IMPDH2: variants seen among roughly 807,000 people sequenced by gnomAD.
The protein encoded by IMPDH2 is inosine-5'-monophosphate dehydrogenase 2.
Under a neutral mutation model 57.8 loss-of-function variants are expected in IMPDH2, and 33 were observed. The observed-to-expected ratio is 0.57, with a 90% CI of 0.43 to 0.76. The LOEUF (loss-of-function observed/expected upper bound fraction) is 0.76, where lower values mean the gene tolerates loss of function less well. IMPDH2 is among the 30% of genes least tolerant of loss of function. The probability of loss-of-function intolerance (pLI) is 0.00; values close to 1 mark genes in which losing one functional copy is unlikely to be tolerated. For missense variants in IMPDH2, 446 were observed against 659.1 expected (o/e 0.68, Z 3.54); for synonymous variants, 270 against 241.3 (o/e 1.12, Z -1.10).
At chr3:49,024,454 T>A in intron 13 of IMPDH2, 41 bp downstream of exon 13, 1 of 1,613,928 alleles carries the variant, frequency 6.2e-7, no homozygotes, top group Admixed American at 1.7e-5. Context: ...AAAGGAGGCA[T>A]GAGGTATGGC....
chr3:49,028,074 T>A, intron 4 of IMPDH2, 158 bp from the exon 5 acceptor site: 1 of 781,196 alleles, frequency 1.3e-6, no homozygotes, highest in Non-Finnish European at 2.1e-6. Context: ...CTGGAGGCAC[T>A]GTACACCTGG....
rs182335151 is a variant in IMPDH2 at position 49,027,659 on chromosome 3, T to C, written c.531+51A>G. On this transcript the variant is annotated intron_variant, in intron 5 of 13. Coordinates refer to ENST00000326739, the MANE Select transcript of IMPDH2 (RefSeq NM_000884.3). ...TGTCTTAGACAACAGAAGCCCCTTG[T>C]CTTCAACCTGGGCTGCTAGAGCTTG... 9.9e-5 allele frequency: 148 copies of C among 1,496,288 alleles called. No individual in the cohort carries two copies. In the Admixed American group the frequency reaches 2.4e-3, roughly 25 times the overall value. 92.7% of individuals were successfully genotyped at this position (1,496,288 alleles called of 1,614,324 possible).
At chr3:49,025,338 T>A in intron 9 of IMPDH2, 69 bp from the exon 10 acceptor site, 1 of 1,570,348 alleles carries the variant, frequency 6.4e-7, no homozygotes, top group South Asian at 1.1e-5. Context: ...TGTGGCCATA[T>A]TTAGGACCCA....
In IMPDH2 at chr3:49,027,862, C is replaced by A. The variant is rs370186875; in HGVS notation, c.379G>T (p.Val127Leu). 1.2e-6 allele frequency: 2 copies of A among 1,614,188 alleles called. No homozygotes were observed. The highest frequency in any genetic ancestry group is 1.7e-5 in the Admixed American group (1 of 60,022). ...DPVVLSPKDR[V>L]RDVFEAKARH... is the part of the protein sequence containing the mutation. ...GCCTTGGCCTCAAAAACATCCCGCACGCGATCCTTGGGGCTGAGGACCACA... is the reference window on the plus strand; with the variant it reads ...GCCTTGGCCTCAAAAACATCCCGCAAGCGATCCTTGGGGCTGAGGACCACA... Residue 127 changes from valine to leucine, a missense_variant, in exon 5 of 14, where the codon GTG becomes TTG. Transcript: ENST00000326739.
Position 49,026,809 on chromosome 3 carries a change from A to G in IMPDH2, c.697T>C (p.Tyr233His). 6.2e-7 allele frequency: 1 copy of G among 1,614,244 alleles called. No homozygotes were observed. ...TTGGCATCTTTGGAGGCTAGTGGGT[A>G]GTCCCGATTCTTCTTCAGGTCTGTC... ...ARTDLKKNRD[Y>H]PLASKDAKKQ... Residue 233 changes from tyrosine to histidine, a missense_variant, in exon 7 of 14, where the codon TAC becomes CAC. By Grantham distance (83) the Tyr-to-His change is moderately conservative. Transcript: ENST00000326739.
chr3:49,028,268 T>G lies in IMPDH2; in HGVS notation c.304A>C (p.Asn102His). 1 of 1,614,160 alleles carries G rather than the reference T, an allele frequency of 6.2e-7. No individual in the cohort carries two copies. The highest frequency in any genetic ancestry group is 8.5e-7 in the Non-Finnish European group (1 of 1,179,984). The stretch of plus-strand genomic sequence containing the variant: ...CTGACCTTCACTTTCCGAACTTCAT[T>G]GGCCTGGAATTCAGGTGTACAGTTG... ...HHNCTPEFQA[N>H]EVRKVKKYEQ... Residue 102 changes from asparagine (N) to histidine (H), a missense_variant, in exon 4 of 14, where the codon AAT becomes CAT. Coordinates refer to ENST00000326739, the MANE Select transcript of IMPDH2 (RefSeq NM_000884.3).
chr3:49,026,837 G>A lies in IMPDH2; in HGVS notation c.669C>T (p.Ala223=), dbSNP rs2093201771. ...CCCGATTCTTCTTCAGGTCTGTCCG[G>A]GCAATGATGGCCACAAGCTCATCAT... ...NEDDELVAII[A]RTDLKKNRDY... The change falls in exon 7 of 14, where the codon GCC becomes GCT. Residue 223 remains alanine, a synonymous_variant. Transcript: ENST00000326739. 1 of 1,614,056 alleles carries A rather than the reference G, an allele frequency of 6.2e-7. No homozygotes were observed. The highest frequency in any genetic ancestry group is 1.1e-5 in the South Asian group (1 of 91,092).
chr3:49,025,568 G>T (rs1246717050), intron 9 of IMPDH2, among the ~76,000 whole-genome samples: 1 of 152,232 alleles, frequency 6.6e-6, no homozygotes, highest in Non-Finnish European at 1.5e-5. Flanking sequence ...ATCAGATGGG[G>T]CAGGAGTCAC....
At chr3:49,027,407 C>T (rs1483814563) in intron 5 of IMPDH2, among the ~76,000 whole-genome samples, 1 of 152,192 alleles carries the variant, frequency 6.6e-6, no homozygotes, top group Non-Finnish European at 1.5e-5. Flanking sequence ...AGGGAGCACC[C>T]TCTTACACTA....
intron 2 of IMPDH2, 72 bp downstream of exon 2, chr3:49,028,686 G>T: frequency 1.4e-6 from 2 of 1,422,460 alleles, no homozygotes; most frequent in Non-Finnish European, 9.9e-7. Context: ...TGGTGAGTTA[G>T]CCCAGAGACC....
chr3:49,024,758 A>C lies in IMPDH2; in HGVS notation c.1340T>G (p.Val447Gly). 1 of 1,614,194 alleles carries C rather than the reference A, an allele frequency of 6.2e-7. No homozygotes were observed. Among genetic ancestry groups the C allele is most frequent in the Non-Finnish European group, 8.5e-7 (1 of 1,180,038 alleles). Reference protein sequence around the residue: ...IKVAQGVSGAVQDKGSIHKFV... With the variant: ...IKVAQGVSGAGQDKGSIHKFV... ...TTTGTGGATTGACCCTTTGTCCTGCACAGCACCAGACACTCCCTGGGCCAC... is the reference window on the plus strand; with the variant it reads ...TTTGTGGATTGACCCTTTGTCCTGCCCAGCACCAGACACTCCCTGGGCCAC... The change falls in exon 12 of 14, where the codon GTG (valine) becomes GGG (glycine). Residue 447 changes from valine (V) to glycine (G), a missense_variant. By Grantham distance (109) the Val-to-Gly change is moderately radical. Coordinates refer to ENST00000326739, the MANE Select transcript of IMPDH2 (RefSeq NM_000884.3).
In IMPDH2 at chr3:49,024,660, G is replaced by A. The variant is rs761159150; in HGVS notation, c.1438C>T (p.Arg480Ter). ...DIGAKSLTQV[R>*]AMMYSGELKF... is the part of the protein sequence containing the mutation. ...CATGTCCCAGCTCCCCAAGCTCACC[G>A]GACTTGGGTCAAGCTCTTGGCACCA... The change falls in exon 12 of 14, where the codon CGA becomes TGA. Residue 480 changes from arginine (R) to a stop codon, truncating the protein, a stop_gained and splice_region_variant. Transcript: ENST00000326739. LOFTEE classifies it high-confidence loss of function. 22 of 1,614,114 alleles carry A rather than the reference G, an allele frequency of 1.4e-5. No individual in the cohort carries two copies. The highest frequency in any genetic ancestry group is 2.2e-5 in the East Asian group (1 of 44,898).
chr3:49,027,770 G>A lies in IMPDH2; in HGVS notation c.471C>T (p.Ile157=). ...TGRMGSRLVG[I]ISSRDIDFLK... is the part of the protein sequence containing the mutation. ...GAAAATCAATGTCCCTGGAGGAGAT[G>A]ATGCCCACCAAGCGGCTCCCCATCC... The change falls in exon 5 of 14, where the codon ATC becomes ATT. Residue 157 remains isoleucine, a synonymous_variant. Transcript: ENST00000326739. 1 of 1,614,070 alleles carries A rather than the reference G, an allele frequency of 6.2e-7. No individual in the cohort carries two copies. Among genetic ancestry groups the A allele is most frequent in the South Asian group, 1.1e-5 (1 of 91,088 alleles).
At chr3:49,027,211 G>T (rs1663393416) in intron 5 of IMPDH2, among the ~76,000 whole-genome samples, 164 bp from the exon 6 acceptor site, 1 of 152,142 alleles carries the variant, frequency 6.6e-6, no homozygotes, top group African/African-American at 2.4e-5. Flanking sequence ...GGCCAGGCTG[G>T]TCTCAAACTC....
At chr3:49,024,632 A>T in intron 12 of IMPDH2, 27 bp downstream of exon 12, 1 of 1,614,134 alleles carries the variant, frequency 6.2e-7, no homozygotes, top group Non-Finnish European at 8.5e-7. Context: ...CAGCCCCTCT[A>T]CCCATGTCCC....
chr3:49,028,349 AAGTG>A (rs759498957), intron 3 of IMPDH2, 27 bp from the exon 4 acceptor site: 1 of 1,610,486 alleles, frequency 6.2e-7, no homozygotes, highest in Non-Finnish European at 8.5e-7. Flanking sequence ...GACTACTACT[AAGTG>A]ACAAGAAGCA....
intron 5 of IMPDH2, 106 bp from the exon 6 acceptor site, chr3:49,027,153 C>T: frequency 1.2e-6 from 1 of 851,670 alleles, no homozygotes; most frequent in Non-Finnish European, 2.0e-6. Context: ...CGCCACCACA[C>T]CCAACTAATT....
intron 11 of IMPDH2, 39 bp from the exon 12 acceptor site, chr3:49,024,841 G>A: frequency 6.2e-7 from 1 of 1,614,162 alleles, no homozygotes; most frequent in Non-Finnish European, 8.5e-7. Flanking sequence ...GGTCACAGCA[G>A]AGATGAGACT....
At position 49,028,412 on chromosome 3, in the gene IMPDH2, C is replaced by T. The variant is rs765735795; in HGVS notation, c.249+19G>A. On this transcript the variant is annotated intron_variant, in intron 3 of 13. Coordinates refer to ENST00000326739, the MANE Select transcript of IMPDH2 (RefSeq NM_000884.3). ...GCGATGGAGTCCTTGCTCCTTCCCC[C>T]ACACCCCATGGGGCTCACCGCCATT... The T allele has an allele frequency of 1.9e-6, 3 of 1,611,262 alleles. No homozygotes were observed. The highest frequency in any genetic ancestry group is 1.7e-5 in the Admixed American group (1 of 60,002).
Sources: allele counts gnomAD v4.1 joint callset (sites outside exome capture counted in the v4.1 genomes callset), GRCh38; gene constraint gnomAD v4.1.1; transcripts MANE v1.5; gene names NCBI Gene and HGNC (gene_info 2026-07-23, HGNC 2026-07-21).